The following MYL7 variants were observed in gnomAD, a reference collection of about 807,000 sequenced individuals.
MYL7 encodes myosin regulatory light chain 2, atrial isoform.
MYL7 carries 27 observed loss-of-function variants against 22.5 expected under a neutral mutation model. The ratio of observed to expected loss-of-function variants is 1.20; its 90% confidence interval spans 0.89 to 1.66. The LOEUF is 1.66. MYL7 is among the 40% of genes most tolerant of loss of function. MYL7 has a pLI of 0.00. For synonymous variants in MYL7, 81 were observed against 84.4 expected (o/e 0.96, Z 0.22); for missense variants, 209 against 226.8 (o/e 0.92, Z 0.50).
At chr7:44,139,129 T>C in intron 6 of MYL7, 107 bp from the exon 7 acceptor site, 1 of 838,106 alleles carries the variant, frequency 1.2e-6, no homozygotes, top group South Asian at 1.5e-5. Context: ...ATCTGTGCTT[T>C]TTGCCTTAGC....
chr7:44,141,026 C>T lies in MYL7; in HGVS notation c.52G>A (p.Ala18Thr). Residue 18 changes from alanine to threonine, a missense_variant, in exon 2 of 7, where the codon GCC becomes ACC. Ala to Thr is a moderately conservative substitution (Grantham distance 58). Coordinates refer to ENST00000223364, the MANE Select transcript of MYL7 (RefSeq NM_021223.3). Reference sequence around the variant, plus strand: ...AAGACGTTGGAAGAACCACGTTGGGCCTGCTTGGTGGCTGCCACCTTGCCC... The same window carrying T: ...AAGACGTTGGAAGAACCACGTTGGGTCTGCTTGGTGGCTGCCACCTTGCCC... ...TRGKVAATKQ[A>T]QRGSSNVFSM... The T allele has an allele frequency of 6.2e-7, 1 of 1,613,996 alleles. No homozygotes were observed. Among genetic ancestry groups the T allele is most frequent in the Non-Finnish European group, 8.5e-7 (1 of 1,179,962 alleles).
chr7:44,139,953 T>G, intron 4 of MYL7, 93 bp from the exon 5 acceptor site: 2 of 1,116,758 alleles, frequency 1.8e-6, no homozygotes, highest in Non-Finnish European at 2.5e-6. Context: ...GCCTCCCACA[T>G]CCCAGAAGAG....
At position 44,140,775 on chromosome 7, in the gene MYL7, T is replaced by C; in HGVS notation, c.130A>G (p.Ile44Val). 6.2e-7 allele frequency: 1 copy of C among 1,613,092 alleles called. No individual in the cohort carries two copies. Among genetic ancestry groups the C allele is most frequent in the Non-Finnish European group, 8.5e-7 (1 of 1,179,658 alleles). The change falls in exon 3 of 7, where the codon ATC becomes GTC. Residue 44 changes from isoleucine to valine, a missense_variant. By Grantham distance (29) the Ile-to-Val change is conservative. Transcript: ENST00000223364. ...IQEFKEAFSC[I>V]DQNRDGIICK... The stretch of plus-strand genomic sequence containing the variant: ...ATGATGCCATCACGATTCTGGTCGA[T>C]ACAGCTGAAGGCCTGTGGGATGGGG...
Position 44,139,027 on chromosome 7 carries a change from A to T in MYL7, c.427-5T>A. On this transcript the variant is annotated splice_polypyrimidine_tract_variant and splice_region_variant and intron_variant, in intron 6 of 6. Coordinates refer to ENST00000223364, the MANE Select transcript of MYL7 (RefSeq NM_021223.3). ...CAGGGCGAACATCTGCTCCACCTGC[A>T]GGGGACACTGGTGAGTGGCAGTCCC... The T allele has an allele frequency of 6.2e-7, 1 of 1,612,978 alleles. No individual in the cohort carries two copies. The highest frequency in any genetic ancestry group is 8.5e-7 in the Non-Finnish European group (1 of 1,179,170).
chr7:44,139,641 T>C, intron 5 of MYL7, 72 bp from the exon 6 acceptor site: 1 of 1,574,238 alleles, frequency 6.4e-7, no homozygotes, highest in East Asian at 2.2e-5. Context: ...GTACGGAGGC[T>C]CCCATGGCGC....
At chr7:44,141,206 A>AC in intron 1 of MYL7, 97 bp downstream of exon 1, 1 of 1,597,956 alleles carries the variant, frequency 6.3e-7, no homozygotes, top group Non-Finnish European at 8.6e-7. Context: ...CCTGGGGACC[A>AC]CCCTCAACCC....
intron 6 of MYL7, 52 bp downstream of exon 6, chr7:44,139,469 A>G: frequency 1.9e-6 from 3 of 1,587,782 alleles, no homozygotes; most frequent in South Asian, 1.1e-5. Context: ...TCATGGGTGA[A>G]GGCCCAGAGA....
intron 4 of MYL7, 98 bp from the exon 5 acceptor site, chr7:44,139,958 GA>G (rs2096263284): frequency 5.8e-6 from 6 of 1,030,892 alleles, no homozygotes; most frequent in Non-Finnish European, 8.3e-6. Flanking sequence ...CCACATCCCA[GA>G]AGAGGTGGGG....
At chr7:44,140,911 G>C (rs368359730) in intron 2 of MYL7, 50 bp downstream of exon 2, 1 of 1,562,032 alleles carries the variant, frequency 6.4e-7, no homozygotes, top group African/African-American at 1.4e-5. Context: ...ATGTGGGGTG[G>C]GGTGGGGGGG....
chr7:44,139,918 CA>C, intron 4 of MYL7, 58 bp from the exon 5 acceptor site: 3 of 1,487,644 alleles, frequency 2.0e-6, no homozygotes, highest in Non-Finnish European at 2.7e-6. Context: ...AGGTCCCCCG[CA>C]GGAGGAACTG....
At position 44,140,397 on chromosome 7, in the gene MYL7, T is replaced by A; in HGVS notation, c.224A>T (p.Asp75Val). The A allele has an allele frequency of 6.2e-7, 1 of 1,613,872 alleles. No homozygotes were observed. The highest frequency in any genetic ancestry group is 8.5e-7 in the Non-Finnish European group (1 of 1,179,958). The change falls in exon 4 of 7, where the codon GAC becomes GTC. Residue 75 changes from aspartate (D) to valine (V), a missense_variant. Transcript: ENST00000223364. ...GKVSVPEEEL[D>V]AMLQEGKGPI... Reference sequence around the variant, plus strand: ...GCCCTTGCCCTCTTGCAGCATGGCGTCCAGCTCCTCCTCTGGGACACTCAC... The same window carrying A: ...GCCCTTGCCCTCTTGCAGCATGGCGACCAGCTCCTCCTCTGGGACACTCAC...
In MYL7 at chr7:44,140,987, G is replaced by C. The variant is rs766815539; in HGVS notation, c.91C>G (p.Gln31Glu). The change falls in exon 2 of 7, where the codon CAA becomes GAA. Residue 31 changes from glutamine (Q) to glutamate (E), a missense_variant. By Grantham distance (29) the Gln-to-Glu change is conservative (BLOSUM62 2). Coordinates refer to ENST00000223364, the MANE Select transcript of MYL7 (RefSeq NM_021223.3). The stretch of plus-strand genomic sequence containing the variant: ...TCTTTGAACTCCTGTATCTGGGCTT[G>C]TTCAAACATGGAAAAGACGTTGGAA... The part of the protein sequence containing the change: ...GSSNVFSMFE[Q>E]AQIQEFKEAF... 2.5e-6 allele frequency: 4 copies of C among 1,613,966 alleles called. No individual in the cohort carries two copies. Among genetic ancestry groups the C allele is most frequent in the South Asian group, 1.1e-5 (1 of 91,082 alleles).
At chr7:44,139,936 A>C (rs2096263247) in intron 4 of MYL7, 76 bp from the exon 5 acceptor site, 3 of 1,318,104 alleles carry the variant, frequency 2.3e-6, no homozygotes, top group Non-Finnish European at 3.1e-6. Context: ...ACTGGGCTGC[A>C]TGAGGAGCCT....
intron 4 of MYL7, 51 bp downstream of exon 4, chr7:44,140,272 G>A (rs913656346): frequency 1.5e-5 from 22 of 1,499,564 alleles, no homozygotes; most frequent in Non-Finnish European, 1.9e-5. Flanking sequence ...GTTCAGGCAG[G>A]GTGCAGGCTC....
At position 44,139,792 on chromosome 7, in the gene MYL7, T is replaced by C; in HGVS notation, c.367A>G (p.Asn123Asp). 1 of 1,612,998 alleles carries C rather than the reference T, an allele frequency of 6.2e-7. No homozygotes were observed. The highest frequency in any genetic ancestry group is 8.5e-7 in the Non-Finnish European group (1 of 1,179,764). The part of the protein sequence containing the change: ...MFDPSGKGVV[N>D]KDEFKQLLLT... ...TGGGCCCATACTTACTCATCCTTGT[T>C]CACCACCCCTTTGCCGCTGGGGTCA... The change falls in exon 5 of 7, where the codon AAC (asparagine) becomes GAC (aspartate). Residue 123 changes from asparagine (N) to aspartate (D), a missense_variant. By Grantham distance (23) the Asn-to-Asp change is conservative. Transcript: ENST00000223364.
rs374485379 is a variant in MYL7 at position 44,139,620 on chromosome 7, A to G, written c.378-51T>C. 7 of 1,583,574 alleles carry G rather than the reference A, an allele frequency of 4.4e-6. No individual in the cohort carries two copies. In the African/African-American group the frequency reaches 6.8e-5, roughly 15 times the overall value. ...GGAGACTGCGGGGGAGTGACTGCAC[A>G]GGGAAGGTGGGTACGGAGGCTCCCA... On this transcript the variant is annotated intron_variant, in intron 5 of 6. Coordinates refer to ENST00000223364, the MANE Select transcript of MYL7 (RefSeq NM_021223.3).
chr7:44,139,906 C>T (rs2096263216), intron 4 of MYL7, 46 bp from the exon 5 acceptor site: 1 of 1,548,194 alleles, frequency 6.5e-7, no homozygotes. Flanking sequence ...CTCCAGCATC[C>T]CAGGTCCCCC....
At chr7:44,141,097 G>A in intron 1 of MYL7, 23 bp from the exon 2 acceptor site, 3 of 1,606,058 alleles carry the variant, frequency 1.9e-6, no homozygotes, top group South Asian at 1.1e-5. Flanking sequence ...GAGTAGGGAG[G>A]GGTCCTCTCC....
Position 44,138,913 on chromosome 7 carries a change from C to T in MYL7, c.*8G>A. 6.2e-7 allele frequency: 1 copy of T among 1,612,102 alleles called. No individual in the cohort carries two copies. The highest frequency in any genetic ancestry group is 8.5e-7 in the Non-Finnish European group (1 of 1,178,162). ...TGAGGTGCCCCCCCGTGGGCCTGGC[C>T]CTGCCCCTCATTCCTCTTTCTCGTC... On this transcript the variant is annotated 3_prime_UTR_variant, in exon 7 of 7. Coordinates refer to ENST00000223364, the MANE Select transcript of MYL7 (RefSeq NM_021223.3).
Sources: gnomAD v4.1 joint callset for allele counts on GRCh38, gnomAD v4.1.1 for gene constraint, MANE v1.5 for transcripts, NCBI Gene and HGNC (gene_info 2026-07-23, HGNC 2026-07-21) for gene names.